The following KIRREL3 variants were observed in gnomAD, a reference collection of about 807,000 sequenced individuals.
KIRREL3 encodes kirre like nephrin family adhesion molecule 3.
Under a neutral mutation model 89.7 loss-of-function variants are expected in KIRREL3, and 36 were observed. That is an observed-to-expected ratio of 0.40 (90% CI 0.31 to 0.53). KIRREL3 has a LOEUF of 0.53. Ranked by LOEUF, KIRREL3 falls within the 20% of genes least tolerant of loss-of-function variation. The probability of loss-of-function intolerance (pLI) is 0.49; values close to 1 mark genes in which losing one functional copy is unlikely to be tolerated. For synonymous variants in KIRREL3, 445 were observed against 441.4 expected, an observed-to-expected ratio of 1.01 and a Z score of -0.10; for missense variants, 864 against 1,056.6, an observed-to-expected ratio of 0.82 and a Z score of 2.53.
chr11:126,437,243 C>T (rs1036005575), intron 11 of KIRREL3, among the ~76,000 whole-genome samples: 4 of 152,158 alleles, frequency 2.6e-5, no homozygotes, highest in Admixed American at 2.0e-4. Flanking sequence ...TCCCACACGG[C>T]ACCCACATGC....
In KIRREL3 at chr11:126,606,133, T is replaced by C. The variant is rs1051180773; in HGVS notation, c.56-43221A>G. On this transcript the variant is annotated intron_variant, in intron 1 of 16. Coordinates refer to ENST00000525144, the MANE Select transcript of KIRREL3 (RefSeq NM_032531.4). The surrounding 1 kb of genome is among the most constrained non-coding windows in gnomAD (Gnocchi z 4.6). ...TCATATTTGCTTCATAGAGCCTGTT[T>C]CGAGCATTCCAGCATAAGCCATGGG... Among the ~76,000 whole-genome samples, 1 of 152,252 alleles carries C rather than the reference T, an allele frequency of 6.6e-6. No individual in the cohort carries two copies.
At chr11:126,910,187 A>C (rs913808799) in intron 1 of KIRREL3, among the ~76,000 whole-genome samples, 1 of 152,118 alleles carries the variant, frequency 6.6e-6, no homozygotes, top group Non-Finnish European at 1.5e-5. Context: ...CTTTGAAAAG[A>C]CTAATCTCAG....
chr11:126,825,247 C>T (rs1943367175), intron 1 of KIRREL3, among the ~76,000 whole-genome samples: 1 of 152,154 alleles, frequency 6.6e-6, no homozygotes, highest in Non-Finnish European at 1.5e-5. Flanking sequence ...TGTCTGTGCA[C>T]TTGACCTAGG....
rs1236017526 is a variant in KIRREL3 at position 126,440,512 on chromosome 11, G to A, written c.1290C>T (p.Ala430=). Residue 430 remains alanine (A), a synonymous_variant, in exon 11 of 17, where the codon GCC becomes GCT. Transcript: ENST00000525144. Reference sequence around the variant, plus strand: ...TGATCTGGCCCTTCTCGCCGTGGAGGGCGTGCTGGGTCTGGGTGCTGGAGA... The same window carrying A: ...TGATCTGGCCCTTCTCGCCGTGGAGAGCGTGCTGGGTCTGGGTGCTGGAGA... ...PIISSTQTQH[A]LHGEKGQIKC... 3.1e-6 allele frequency: 5 copies of A among 1,602,322 alleles called. No individual in the cohort carries two copies. Among genetic ancestry groups the A allele is most frequent in the Non-Finnish European group, 4.3e-6 (5 of 1,175,006 alleles).
rs188234553 is a variant in KIRREL3, at chr11:126,844,506, T to C, written c.55+155949A>G. Among the ~76,000 whole-genome samples the C allele has an allele frequency of 2.2e-3, 329 of 152,170 alleles. 1 individual carries two copies. Among genetic ancestry groups the C allele is most frequent in the Middle Eastern group, 0.01 (3 of 292 alleles). On this transcript the variant is annotated intron_variant, in intron 1 of 16. Transcript: ENST00000525144. The surrounding 1 kb of genome is among the most constrained non-coding windows in gnomAD (Gnocchi z 4.8). ...TGGGGTACCCAGATAAAGGATGGGA[T>C]TGGGTTAGGGGCCCAACTTAGGGCA... is the stretch of plus-strand genomic sequence containing the variant.
At chr11:126,504,045 G>A (rs1391058003) in intron 4 of KIRREL3, among the ~76,000 whole-genome samples, 1 of 152,138 alleles carries the variant, frequency 6.6e-6, no homozygotes, top group Admixed American at 6.5e-5. Flanking sequence ...AACTTTTGGG[G>A]ACTTACTGAA....
intron 4 of KIRREL3, among the ~76,000 whole-genome samples, chr11:126,500,497 C>T (rs1462066400): frequency 6.6e-6 from 1 of 152,052 alleles, no homozygotes; most frequent in African/African-American, 2.4e-5. Flanking sequence ...CCCAGCACTT[C>T]GGGAGGCCGA....
chr11:126,685,400 C>T lies in KIRREL3; in HGVS notation c.56-122488G>A, dbSNP rs1426059628. Among the ~76,000 whole-genome samples, 2 of 152,068 alleles carry T rather than the reference C, an allele frequency of 1.3e-5. No homozygotes were observed. Among genetic ancestry groups the T allele is most frequent in the Non-Finnish European group, 2.9e-5 (2 of 68,010 alleles). On this transcript the variant is annotated intron_variant, in intron 1 of 16. Coordinates refer to ENST00000525144, the MANE Select transcript of KIRREL3 (RefSeq NM_032531.4). This position sits in a 1 kb window ranked among gnomAD's most constrained non-coding sequence, Gnocchi z 5.5. ...CTTTGGGAAGGAGATGGGGTAGCTG[C>T]CTTACCAGAGAGAGCGGGATTTCTC...
chr11:126,440,054 GGA>G (rs1465454236), intron 11 of KIRREL3: 3 of 392,020 alleles, frequency 7.7e-6, no homozygotes, highest in South Asian at 4.0e-5. Context: ...GAGGGCTCCA[GGA>G]GGCACAGAAA....
intron 1 of KIRREL3, among the ~76,000 whole-genome samples, chr11:126,841,121 T>C (rs952251545): frequency 6.6e-6 from 1 of 152,214 alleles, no homozygotes; most frequent in Non-Finnish European, 1.5e-5. Flanking sequence ...ACATAGTGTA[T>C]ATAGGGTTTG....
At chr11:126,941,530 T>C (rs899818890) in intron 1 of KIRREL3, among the ~76,000 whole-genome samples, 5 of 152,200 alleles carry the variant, frequency 3.3e-5, no homozygotes, top group African/African-American at 1.2e-4. Context: ...CCTCGCATGG[T>C]GCATAAACTG....
rs113142746 is a variant in KIRREL3, at chr11:126,778,709, C to T, written c.56-215797G>A. On this transcript the variant is annotated intron_variant, in intron 1 of 16. Transcript: ENST00000525144. The surrounding 1 kb of genome is among the most constrained non-coding windows in gnomAD (Gnocchi z 4.5). ...GAAAGGTGGTACCAACATACATTCC[C>T]GCTAGTAATGTTCAGAGAGTGCTAT... Among the ~76,000 whole-genome samples the T allele has an allele frequency of 6.6e-5, 10 of 152,240 alleles. No individual in the cohort carries two copies. Among genetic ancestry groups the T allele is most frequent in the East Asian group, 5.8e-4 (3 of 5,180 alleles).
chr11:126,984,528 A>G (rs913713000), intron 1 of KIRREL3, among the ~76,000 whole-genome samples: 1 of 152,222 alleles, frequency 6.6e-6, no homozygotes, highest in African/African-American at 2.4e-5. Flanking sequence ...CTTCCAGGCC[A>G]TTCTCACTGG....
chr11:126,711,107 A>C (rs551272383), intron 1 of KIRREL3, among the ~76,000 whole-genome samples: 16 of 152,316 alleles, frequency 1.1e-4, no homozygotes, highest in South Asian at 2.1e-4. Context: ...TCAGGTTACC[A>C]ACAGTGACTG....
chr11:126,858,503 ATC>A (rs1436703778), intron 1 of KIRREL3, among the ~76,000 whole-genome samples: 1 of 151,750 alleles, frequency 6.6e-6, no homozygotes, highest in Admixed American at 6.6e-5. Context: ...GAAGTTAGCA[ATC>A]TCTCTGTCTC....
chr11:126,762,187 A>ATAAAT (rs1381297224), intron 1 of KIRREL3, among the ~76,000 whole-genome samples: 1 of 152,036 alleles, frequency 6.6e-6, no homozygotes, highest in African/African-American at 2.4e-5. Flanking sequence ...AAATAAATAA[A>ATAAAT]TAAATAAACA....
rs1175339620 is a variant in KIRREL3 at position 126,802,788 on chromosome 11, A to G, written c.55+197667T>C. ...TTTCAAAATGCTTAACATTACGAGTATTTTGGTCTTTGTTTAGTTCAGTGA... is the reference window on the plus strand; with the variant it reads ...TTTCAAAATGCTTAACATTACGAGTGTTTTGGTCTTTGTTTAGTTCAGTGA... On this transcript the variant is annotated intron_variant, in intron 1 of 16. Transcript: ENST00000525144. The surrounding 1 kb of genome is among the most constrained non-coding windows in gnomAD (Gnocchi z 5.2). Among the ~76,000 whole-genome samples the G allele has an allele frequency of 6.6e-6, 1 of 152,196 alleles. No individual in the cohort carries two copies. Among genetic ancestry groups the G allele is most frequent in the Non-Finnish European group, 1.5e-5 (1 of 68,032 alleles).
intron 1 of KIRREL3, among the ~76,000 whole-genome samples, chr11:126,982,935 GA>G (rs1949758084): frequency 2.6e-5 from 4 of 152,280 alleles, no homozygotes; most frequent in Admixed American, 2.0e-4. Context: ...TTGCTGTTAA[GA>G]ATCATTTAGT....
rs1412473040 is a variant in KIRREL3 at position 126,521,556 on chromosome 11, C to G, written c.284-92G>C. 4.1e-6 allele frequency: 3 copies of G among 736,652 alleles called. No homozygotes were observed. Among genetic ancestry groups the G allele is most frequent in the Non-Finnish European group, 5.8e-6 (3 of 518,960 alleles). The allele number at this position is 736,652 out of a possible 1,614,324, so 45.6% of individuals were successfully genotyped here. On this transcript the variant is annotated intron_variant, in intron 3 of 16. Coordinates refer to ENST00000525144, the MANE Select transcript of KIRREL3 (RefSeq NM_032531.4). The surrounding 1 kb of genome is among the most constrained non-coding windows in gnomAD (Gnocchi z 4.1). ...ACAGAATGGAGGACCCAAGCAGGGGCCATTCTACAAGGCTGGCAGAGCGGG... is the reference window on the plus strand; with the variant it reads ...ACAGAATGGAGGACCCAAGCAGGGGGCATTCTACAAGGCTGGCAGAGCGGG...
Sources: allele counts gnomAD v4.1 joint callset (sites outside exome capture counted in the v4.1 genomes callset), GRCh38; gene constraint gnomAD v4.1.1; non-coding constraint Gnocchi (gnomAD v3.1); transcripts MANE v1.5; gene names NCBI Gene and HGNC (gene_info 2026-07-23, HGNC 2026-07-21).